Variants in GRM5 observed in about 807,000 individuals in gnomAD.
The protein encoded by GRM5 is glutamate metabotropic receptor 5, also known as metabotropic glutamate receptor 5.
A neutral mutation model predicts 83.1 loss-of-function variants in GRM5; 19 were observed. That is an observed-to-expected ratio of 0.23 (90% CI 0.16 to 0.34). The LOEUF (loss-of-function observed/expected upper bound fraction) is 0.34, where lower values mean the gene tolerates loss of function less well. GRM5 is among the 10% of genes least tolerant of loss of function. The pLI, the probability that GRM5 is intolerant of heterozygous loss-of-function variation, is 1.00. For missense variants in GRM5, 1,160 were observed against 1,588.3 expected (o/e 0.73, Z 4.58); for synonymous variants, 675 against 633.6 (o/e 1.07, Z -0.98).
intron 3 of GRM5, among the ~76,000 whole-genome samples, chr11:88,689,984 G>A (rs573042470): frequency 6.6e-6 from 1 of 152,194 alleles, no homozygotes; most frequent in South Asian, 2.1e-4. Flanking sequence ...CATAGGTACT[G>A]GGGAATCAAA....
intron 3 of GRM5, among the ~76,000 whole-genome samples, chr11:88,785,378 A>T (rs1266690730): frequency 6.6e-6 from 1 of 152,120 alleles, no homozygotes; most frequent in Non-Finnish European, 1.5e-5. Context: ...TACGTTTTAA[A>T]GAAGAAAGGC....
At chr11:88,623,246 C>T (rs1361189547) in intron 4 of GRM5, among the ~76,000 whole-genome samples, 3 of 151,756 alleles carry the variant, frequency 2.0e-5, no homozygotes, top group South Asian at 2.1e-4. Flanking sequence ...CCACCATGCC[C>T]GGCTAATTTT....
chr11:88,872,929 A>T (rs550814208), intron 2 of GRM5, among the ~76,000 whole-genome samples: 3 of 94,960 alleles, frequency 3.2e-5, no homozygotes, highest in African/African-American at 7.9e-5. Flanking sequence ...TGAATGAATT[A>T]AAAAAAAAAA....
intron 2 of GRM5, among the ~76,000 whole-genome samples, chr11:89,036,849 T>A (rs1941399820): frequency 6.6e-6 from 1 of 152,026 alleles, no homozygotes; most frequent in Non-Finnish European, 1.5e-5. Flanking sequence ...CTTATTTCAT[T>A]AAACTACTTT....
At chr11:89,057,673 T>C (rs961973366) in intron 1 of GRM5, among the ~76,000 whole-genome samples, 1 of 152,170 alleles carries the variant, frequency 6.6e-6, no homozygotes, top group Non-Finnish European at 1.5e-5. Flanking sequence ...GCAGGGATTT[T>C]AGACTTTTAC....
intron 3 of GRM5, among the ~76,000 whole-genome samples, chr11:88,653,944 C>G (rs1939702031): frequency 6.6e-6 from 1 of 152,020 alleles, no homozygotes; most frequent in Non-Finnish European, 1.5e-5. Flanking sequence ...TATGGTTACT[C>G]TATTCAATGT....
At chr11:88,849,881 T>C (rs751573323) in intron 3 of GRM5, 25 bp downstream of exon 3, 10 of 1,610,688 alleles carry the variant, frequency 6.2e-6, no homozygotes, top group African/African-American at 5.4e-5. Flanking sequence ...ATTAACTCCA[T>C]GTAAATTTTC....
At chr11:88,737,278 A>G (rs1304935502) in intron 3 of GRM5, among the ~76,000 whole-genome samples, 2 of 152,056 alleles carry the variant, frequency 1.3e-5, no homozygotes, top group African/African-American at 4.8e-5. Flanking sequence ...CAACCTTTTC[A>G]CAGACAGAGG....
chr11:88,792,003 G>A (rs1478333039), intron 3 of GRM5, among the ~76,000 whole-genome samples: 1 of 152,020 alleles, frequency 6.6e-6, no homozygotes, highest in African/African-American at 2.4e-5. Context: ...GTAAAAGCTA[G>A]GTAGTAGAAC....
chr11:88,554,208 C>T (rs1258872286), intron 8 of GRM5, among the ~76,000 whole-genome samples: 1 of 151,974 alleles, frequency 6.6e-6, no homozygotes, highest in Non-Finnish European at 1.5e-5. Context: ...TGCTTGCATT[C>T]CTTGGCTTCT....
rs1486068003 is a variant in GRM5, at chr11:88,986,817, T to C, written c.661+60395A>G. Among the ~76,000 whole-genome samples, 9 of 150,308 alleles carry C rather than the reference T, an allele frequency of 6.0e-5. No individual in the cohort carries two copies. The Admixed American group carries it at 6.0e-4, about 10-fold the overall frequency. On this transcript the variant is annotated intron_variant, in intron 2 of 9. Coordinates refer to ENST00000305447, the MANE Select transcript of GRM5 (RefSeq NM_001143831.3). ...CAATTTCAAGAATCTTTCCTTCTAG[T>C]TTTCCTATAGAAGTTTTATGTTTTC...
intron 4 of GRM5, among the ~76,000 whole-genome samples, chr11:88,636,405 A>G (rs2135279082): frequency 6.6e-6 from 1 of 152,170 alleles, no homozygotes; most frequent in African/African-American, 2.4e-5. Flanking sequence ...CCAGATACTC[A>G]GGAGGCTGAG....
chr11:88,691,374 A>C (rs1166651577), intron 3 of GRM5, among the ~76,000 whole-genome samples: 1 of 152,196 alleles, frequency 6.6e-6, no homozygotes, highest in African/African-American at 2.4e-5. Flanking sequence ...GTGGTGTTTC[A>C]AAAAATAATA....
Position 88,581,534 on chromosome 11 carries a change from T to C in GRM5, c.1690+9067A>G, listed in dbSNP as rs368044783. ...AAGATGAATTGTTGCAGATTGGTAT[T>C]TTATGCAGCACAAATTCTCAGCTGT... On this transcript the variant is annotated intron_variant, in intron 7 of 9. Transcript: ENST00000305447. Among the ~76,000 whole-genome samples, 13 of 152,332 alleles carry C rather than the reference T, an allele frequency of 8.5e-5. No individual in the cohort carries two copies. In the East Asian group the frequency reaches 1.7e-3, roughly 20 times the overall value.
At chr11:88,883,758 CT>C in intron 2 of GRM5, among the ~76,000 whole-genome samples, 1 of 152,274 alleles carries the variant, frequency 6.6e-6, no homozygotes, top group Non-Finnish European at 1.5e-5. Context: ...CCAGGGCCCA[CT>C]TGCTGTAGGC....
intron 3 of GRM5, among the ~76,000 whole-genome samples, chr11:88,694,103 C>T (rs1315634928): frequency 1.3e-5 from 2 of 152,192 alleles, no homozygotes; most frequent in Non-Finnish European, 1.5e-5. Context: ...TTTCATAGAA[C>T]TCAATAAATA....
At chr11:88,722,999 CCT>C (rs1941583656) in intron 3 of GRM5, among the ~76,000 whole-genome samples, 2 of 152,146 alleles carry the variant, frequency 1.3e-5, no homozygotes, top group African/African-American at 4.8e-5. Context: ...CTAAAAATCC[CCT>C]GTGCCCTGCC....
chr11:89,056,266 AT>A, intron 1 of GRM5, among the ~76,000 whole-genome samples: 1 of 152,172 alleles, frequency 6.6e-6, no homozygotes, highest in African/African-American at 2.4e-5. Context: ...GATCTGTCTC[AT>A]TAACATCATC....
At chr11:88,926,682 T>C (rs1477267916) in intron 2 of GRM5, among the ~76,000 whole-genome samples, 3 of 152,192 alleles carry the variant, frequency 2.0e-5, no homozygotes, top group Non-Finnish European at 4.4e-5. Flanking sequence ...TTTTCCCAGA[T>C]CTTACAGTAT....
Sources: allele counts gnomAD v4.1 joint callset (sites outside exome capture counted in the v4.1 genomes callset), GRCh38; gene constraint gnomAD v4.1.1; transcripts MANE v1.5; gene names NCBI Gene and HGNC (gene_info 2026-07-23, HGNC 2026-07-21).